BIRC7: variants seen among roughly 807,000 people sequenced by gnomAD.
BIRC7 encodes baculoviral IAP repeat containing 7, also known as baculoviral IAP repeat-containing protein 7.
Under a neutral mutation model 33.2 loss-of-function variants are expected in BIRC7, and 26 were observed. The observed-to-expected ratio is 0.78, with a 90% confidence interval of 0.57 to 1.09. The LOEUF is 1.09. BIRC7 is among the 50% of genes least tolerant of loss of function. The pLI is 0.00. For synonymous variants in BIRC7, 176 were observed against 171.0 expected (o/e 1.03, Z -0.23); for missense variants, 409 against 401.2 (o/e 1.02, Z -0.17).
rs1309834037 is a variant in BIRC7 at position 63,238,531 on chromosome 20, T to C, written c.532-38T>C. The C allele has an allele frequency of 2.5e-6, 4 of 1,613,122 alleles. No homozygotes were observed. The South Asian group carries it at 3.3e-5, about 13-fold the overall frequency. On this transcript the variant is annotated intron_variant, in intron 3 of 6. Coordinates refer to ENST00000217169, the MANE Select transcript of BIRC7 (RefSeq NM_139317.3). ...GGTGGCAGTGGGGTCCTGCCCCTCC[T>C]ATTTCCCCAAGGCCTGATGGTCTCT...
chr20:63,239,272 G>A (rs1304536627), intron 5 of BIRC7, 39 bp downstream of exon 5: 1 of 1,609,848 alleles, frequency 6.2e-7, no homozygotes, highest in Non-Finnish European at 8.5e-7. Context: ...GCTGGGGCAG[G>A]GGAGGGCTGA....
Position 63,239,582 on chromosome 20 carries a change from C to T in BIRC7, c.874C>T (p.Arg292Cys), listed in dbSNP as rs965574998. 2.1e-5 allele frequency: 33 copies of T among 1,598,472 alleles called. No homozygotes were observed. The highest frequency in any genetic ancestry group is 3.3e-5 in the Admixed American group (2 of 59,858). The stretch of plus-strand genomic sequence containing the variant: ...CATCTGCAGAGCCCCCGTCCGCAGC[C>T]GCGTGCGCACCTTCCTGTCCTAGGC... ...CPICRAPVRS[R>C]VRTFLS The change falls in exon 6 of 7, where the codon CGC becomes TGC. Residue 292 changes from arginine to cysteine, a missense_variant. Arg to Cys is a radical substitution (Grantham distance 180). Transcript: ENST00000217169.
chr20:63,236,070 A>C lies in BIRC7; in HGVS notation c.-27A>C. Reference sequence around the variant, plus strand: ...GCCATCAGCCCCCATTTCTGCTGCAAACCTGGTCAGAGCCAGTGTTCCCTC... The same window carrying C: ...GCCATCAGCCCCCATTTCTGCTGCACACCTGGTCAGAGCCAGTGTTCCCTC... On this transcript the variant is annotated 5_prime_UTR_variant, in exon 1 of 7. Transcript: ENST00000217169. 1 of 1,495,860 alleles carries C rather than the reference A, an allele frequency of 6.7e-7. No homozygotes were observed. Among genetic ancestry groups the C allele is most frequent in the Non-Finnish European group, 9.0e-7 (1 of 1,112,244 alleles). The allele number at this position is 1,495,860 out of a possible 1,614,324, so 92.7% of individuals were successfully genotyped here.
chr20:63,236,985 G>T (rs1430562496), intron 1 of BIRC7, among the ~76,000 whole-genome samples: 3 of 152,202 alleles, frequency 2.0e-5, no homozygotes, highest in African/African-American at 7.2e-5. Context: ...CTTGGCCCGG[G>T]CCTGCTCCTC....
At position 63,237,968 on chromosome 20, in the gene BIRC7, G is replaced by A. The variant is rs761744542; in HGVS notation, c.415G>A (p.Asp139Asn). The change falls in exon 2 of 7, where the codon GAC (aspartate) becomes AAC (asparagine). Residue 139 changes from aspartate (D) to asparagine (N), a missense_variant. By Grantham distance (23) the Asp-to-Asn change is conservative (BLOSUM62 1). Coordinates refer to ENST00000217169, the MANE Select transcript of BIRC7 (RefSeq NM_139317.3). ...CCTGCAGAGCTGGAAGCGCGGGGACGACCCCTGGACGGAGCATGCCAAGTG... is the reference window on the plus strand; with the variant it reads ...CCTGCAGAGCTGGAAGCGCGGGGACAACCCCTGGACGGAGCATGCCAAGTG... ...GGLQSWKRGD[D>N]PWTEHAKWFP... 128 of 1,607,312 alleles carry A rather than the reference G, an allele frequency of 8.0e-5. No homozygotes were observed. The Admixed American group carries it at 1.2e-3, about 16-fold the overall frequency.
At chr20:63,238,236 C>T (rs1440160240) in intron 2 of BIRC7, 160 bp from the exon 3 acceptor site, 4 of 931,814 alleles carry the variant, frequency 4.3e-6, no homozygotes, top group African/African-American at 3.5e-5. Flanking sequence ...TACCCTGAAG[C>T]CCCATGGAGG....
intron 1 of BIRC7, 95 bp downstream of exon 1, chr20:63,236,540 C>T (rs771120461): frequency 2.4e-5 from 34 of 1,431,478 alleles, no homozygotes; most frequent in Admixed American, 5.2e-5. Context: ...AGCATCCATC[C>T]CCCAACAGGA....
chr20:63,238,189 A>C, intron 2 of BIRC7, 187 bp downstream of exon 2: 1 of 850,318 alleles, frequency 1.2e-6, no homozygotes, highest in Non-Finnish European at 1.9e-6. Context: ...CCTTTTCGGA[A>C]GGGCTGCTGG....
intron 4 of BIRC7, 93 bp from the exon 5 acceptor site, chr20:63,239,069 A>G: frequency 1.5e-6 from 2 of 1,332,468 alleles, no homozygotes; most frequent in South Asian, 2.4e-5. Flanking sequence ...ACTCCCGGCC[A>G]GAACTGGACC....
intron 6 of BIRC7, among the ~76,000 whole-genome samples, chr20:63,239,878 A>G (rs1025929432): frequency 5.7e-4 from 87 of 152,154 alleles, no homozygotes; most frequent in African/African-American, 1.9e-3. Context: ...GGCTCCTCTC[A>G]GCCTTGATTT....
In BIRC7 at chr20:63,239,430, C is replaced by T. The variant is rs374132984; in HGVS notation, c.722C>T (p.Ala241Val). ...CCCCCAGGAGCCAGGGATGTGGAGGCGCAGCTGCGGCGGCTGCAGGAGGAG... is the reference window on the plus strand; with the variant it reads ...CCCCCAGGAGCCAGGGATGTGGAGGTGCAGCTGCGGCGGCTGCAGGAGGAG... ...LEPPGARDVEAQLRRLQEERT... is the reference protein window; with the variant it reads ...LEPPGARDVEVQLRRLQEERT... The change falls in exon 6 of 7, where the codon GCG (alanine) becomes GTG (valine). Residue 241 changes from alanine (A) to valine (V), a missense_variant. Ala to Val is a moderately conservative substitution (Grantham distance 64). Coordinates refer to ENST00000217169, the MANE Select transcript of BIRC7 (RefSeq NM_139317.3). The T allele has an allele frequency of 1.0e-4, 168 of 1,606,444 alleles. 2 individuals are homozygous for T. The South Asian group carries it at 1.3e-3, about 12-fold the overall frequency.
chr20:63,238,528 T>G (rs1389807109), intron 3 of BIRC7, 41 bp from the exon 4 acceptor site: 1 of 1,612,934 alleles, frequency 6.2e-7, no homozygotes, highest in East Asian at 2.2e-5. Context: ...GTCCTGCCCC[T>G]CCTATTTCCC....
chr20:63,238,974 C>T lies in BIRC7; in HGVS notation c.578-188C>T, dbSNP rs907784396. 21 of 674,968 alleles carry T rather than the reference C, an allele frequency of 3.1e-5. No individual in the cohort carries two copies. In the Middle Eastern group the frequency reaches 7.2e-4, roughly 23 times the overall value. The allele number at this position is 674,968 out of a possible 1,614,324, so 41.8% of individuals were successfully genotyped here. ...GGACAAGGGACAGGCTCTCTGGTGG[C>T]GCCTCCAGGAAGCCTCTGGATCCTG... On this transcript the variant is annotated intron_variant, in intron 4 of 6. Transcript: ENST00000217169.
In BIRC7 at chr20:63,239,556, C is replaced by T; in HGVS notation, c.848C>T (p.Pro283Leu). ...TGTGCCCCCGGCCTGCAGCTGTGCC[C>T]CATCTGCAGAGCCCCCGTCCGCAGC... ...AECAPGLQLC[P>L]ICRAPVRSRV... is the part of the protein sequence containing the mutation. Residue 283 changes from proline to leucine, a missense_variant, in exon 6 of 7, where the codon CCC becomes CTC. Transcript: ENST00000217169. The T allele has an allele frequency of 1.9e-6, 3 of 1,602,936 alleles. No individual in the cohort carries two copies. The highest frequency in any genetic ancestry group is 2.5e-6 in the Non-Finnish European group (3 of 1,179,658).
rs748514539 is a variant in BIRC7 at position 63,236,455 on chromosome 20, G to A, written c.349+10G>A. The A allele has an allele frequency of 1.3e-5, 20 of 1,510,396 alleles. No homozygotes were observed. The highest frequency in any genetic ancestry group is 1.3e-4 in the African/African-American group (9 of 71,956). The allele number at this position is 1,510,396 out of a possible 1,614,324, so 93.6% of individuals were successfully genotyped here. A position where few individuals can be genotyped will look rare whatever the true frequency, so the allele number is the denominator to read the frequency against. ...GGCTTCTTCCACACAGGTCAGTCCC[G>A]GGCGGGGGGGCCTTCCTGCCGTGGG... On this transcript the variant is annotated intron_variant, in intron 1 of 6. Transcript: ENST00000217169.
chr20:63,236,643 CTGAG>C (rs999268085), intron 1 of BIRC7, among the ~76,000 whole-genome samples, 198 bp downstream of exon 1: 6 of 152,316 alleles, frequency 3.9e-5, no homozygotes, highest in Admixed American at 6.5e-5. Context: ...TCTCTGCTGG[CTGAG>C]TGTTTCAGAC....
Position 63,235,990 on chromosome 20 carries a change from T to C in BIRC7, c.-107T>C. 2.2e-6 allele frequency: 3 copies of C among 1,355,588 alleles called. No individual in the cohort carries two copies. Among genetic ancestry groups the C allele is most frequent in the Non-Finnish European group, 3.0e-6 (3 of 1,011,486 alleles). 84.0% of individuals were successfully genotyped at this position (1,355,588 alleles called of 1,614,324 possible). Reference sequence around the variant, plus strand: ...GTGCCTATCCCTGCTGTCCCCAGGGTGGGCCCCGGGGGTCAGGAGCTCCAG... The same window carrying C: ...GTGCCTATCCCTGCTGTCCCCAGGGCGGGCCCCGGGGGTCAGGAGCTCCAG... On this transcript the variant is annotated 5_prime_UTR_variant, in exon 1 of 7. Transcript: ENST00000217169.
chr20:63,239,611 G>T lies in BIRC7; in HGVS notation c.*5+1G>T. The T allele has an allele frequency of 6.3e-7, 1 of 1,591,806 alleles. No homozygotes were observed. The highest frequency in any genetic ancestry group is 8.5e-7 in the Non-Finnish European group (1 of 1,176,138). ...TGCGCACCTTCCTGTCCTAGGCCAG[G>T]TGAGCGCCCCAGCACCACGCGCAGC... On this transcript the variant is annotated splice_donor_variant, in intron 6 of 6. Coordinates refer to ENST00000217169, the MANE Select transcript of BIRC7 (RefSeq NM_139317.3). LOFTEE classifies it low-confidence loss of function (3UTR_SPLICE).
chr20:63,236,547 AG>A, intron 1 of BIRC7, 102 bp downstream of exon 1: 1 of 1,418,686 alleles, frequency 7.0e-7, no homozygotes, highest in Middle Eastern at 2.6e-4. Context: ...ATCCCCCAAC[AG>A]GAAGGGTCTG....
Sources: allele counts gnomAD v4.1 joint callset (sites outside exome capture counted in the v4.1 genomes callset), GRCh38; gene constraint gnomAD v4.1.1; transcripts MANE v1.5; gene names NCBI Gene and HGNC (gene_info 2026-07-23, HGNC 2026-07-21).